DYSF: variants seen among roughly 807,000 people sequenced by gnomAD.
DYSF encodes dystrophy-associated fer-1-like 1.
In DYSF, 212 loss-of-function variants were observed where a neutral mutation model predicts 274.9. The ratio of observed to expected loss-of-function variants is 0.77; its 90% CI spans 0.69 to 0.86. DYSF has a LOEUF of 0.86. DYSF is among the 40% of genes least tolerant of loss of function. DYSF has a pLI of 0.00. For synonymous variants in DYSF, 1,091 were observed against 1,078.7 expected (o/e 1.01, Z -0.22); for missense variants, 2,666 against 2,783.2 (o/e 0.96, Z 0.95).
At chr2:71,672,159 G>C (rs2095135500) in intron 51 of DYSF, among the ~76,000 whole-genome samples, 1 of 149,376 alleles carries the variant, frequency 6.7e-6, no homozygotes, top group Non-Finnish European at 1.5e-5. Flanking sequence ...GTCAACCAGA[G>C]GTGGGAGACA....
In DYSF at chr2:71,568,338, C is replaced by A; in HGVS notation, c.2864C>A (p.Thr955Asn). The A allele has an allele frequency of 6.2e-7, 1 of 1,613,896 alleles. No individual in the cohort carries two copies. The highest frequency in any genetic ancestry group is 8.5e-7 in the Non-Finnish European group (1 of 1,179,842). The change falls in exon 26 of 56, where the codon ACT becomes AAT. Residue 955 changes from threonine (T) to asparagine (N), a missense_variant and splice_region_variant. Transcript: ENST00000410020. Reference sequence around the variant, plus strand: ...GATTGGTTCGTGTGTCCGGAGAAGACGTGAGTCGTGGGCAGGGAGGGCTGG... The same window carrying A: ...GATTGGTTCGTGTGTCCGGAGAAGAAGTGAGTCGTGGGCAGGGAGGGCTGG... ...AGDWFVCPEKTLLHDMDAGHL... is the reference protein window; with the variant it reads ...AGDWFVCPEKNLLHDMDAGHL...
Position 71,615,324 on chromosome 2 carries a change from G to A in DYSF, c.4464+1914G>A, listed in dbSNP as rs1030427190. Among the ~76,000 whole-genome samples, 3 of 152,100 alleles carry A rather than the reference G, an allele frequency of 2.0e-5. No homozygotes were observed. Among genetic ancestry groups the A allele is most frequent in the Admixed American group, 2.0e-4 (3 of 15,276 alleles). On this transcript the variant is annotated intron_variant, in intron 40 of 55. Coordinates refer to ENST00000410020, the MANE Select transcript of DYSF (RefSeq NM_001130987.2). This position sits in a 1 kb window ranked among gnomAD's most constrained non-coding sequence, Gnocchi z 4.9. ...TGGGAGCTGGGATGGGGCTCCTGGAGGTGTACCCACCTGGGGAGGGGCTGG... is the reference window on the plus strand; with the variant it reads ...TGGGAGCTGGGATGGGGCTCCTGGAAGTGTACCCACCTGGGGAGGGGCTGG...
chr2:71,533,741 G>A lies in DYSF; in HGVS notation c.1381-1280G>A, dbSNP rs561024960. Among the ~76,000 whole-genome samples, 54 of 152,340 alleles carry A rather than the reference G, an allele frequency of 3.5e-4. No homozygotes were observed. In the South Asian group the frequency reaches 0.011, roughly 32 times the overall value. On this transcript the variant is annotated intron_variant, in intron 14 of 55. Transcript: ENST00000410020. ...TTGTTTTCCCACCAGCAAAACATGA[G>A]CATGCAGTTTTCCCATAGCCTTGCC... is the stretch of plus-strand genomic sequence containing the variant.
exon 1 of DYSF, chr2:71,453,949 T>C (rs758686196): frequency 6.2e-7 from 1 of 1,600,472 alleles, no homozygotes; most frequent in Non-Finnish European, 8.6e-7. Context: ...TCCCGACCTT[T>C]CCGAGCCCTC....
chr2:71,685,083 C>T (rs2095340249), intron 55 of DYSF, among the ~76,000 whole-genome samples: 1 of 152,208 alleles, frequency 6.6e-6, no homozygotes, highest in Admixed American at 6.5e-5. Context: ...CAGATCTAGG[C>T]CTCCAGGGGC....
intron 14 of DYSF, among the ~76,000 whole-genome samples, chr2:71,534,014 CACTCAGCCCCACA>C (rs1157906032): frequency 0.022 from 3,377 of 152,262 alleles, 119 homozygotes; most frequent in African/African-American, 0.076. Context: ...CAAATCCTGG[CACTCAGCCCCACA>C]CCCAGCCCTG....
In DYSF at chr2:71,613,390, G is replaced by A. The variant is rs1574354515; in HGVS notation, c.4444G>A (p.Glu1482Lys). The change falls in exon 40 of 56, where the codon GAG (glutamate) becomes AAG (lysine). Residue 1482 changes from glutamate (E) to lysine (K), a missense_variant. Coordinates refer to ENST00000410020, the MANE Select transcript of DYSF (RefSeq NM_001130987.2). The stretch of plus-strand genomic sequence containing the variant: ...CGTGCTCATCGACATTGATGACAAG[G>A]AGCCCCTCATCCCCATCCAGGTAGG... ...EDVLIDIDDKEPLIPIQLADG... is the reference protein window; with the variant it reads ...EDVLIDIDDKKPLIPIQLADG... 6.2e-7 allele frequency: 1 copy of A among 1,613,318 alleles called. No homozygotes were observed. Among genetic ancestry groups the A allele is most frequent in the African/African-American group, 1.3e-5 (1 of 75,008 alleles).
chr2:71,467,572 C>T (rs1341798257), intron 1 of DYSF, among the ~76,000 whole-genome samples: 1 of 152,260 alleles, frequency 6.6e-6, no homozygotes, highest in East Asian at 1.9e-4. Flanking sequence ...ATCACACACA[C>T]ACTCCTCTTC....
intron 51 of DYSF, 69 bp from the exon 52 acceptor site, chr2:71,674,128 C>A: frequency 6.8e-7 from 1 of 1,466,100 alleles, no homozygotes; most frequent in Non-Finnish European, 9.5e-7. Context: ...GCCTTCCAGG[C>A]TGGAAGGGAA....
At chr2:71,554,327 G>A (rs1415849232) in intron 21 of DYSF, among the ~76,000 whole-genome samples, 1 of 152,258 alleles carries the variant, frequency 6.6e-6, no homozygotes, top group African/African-American at 2.4e-5. Context: ...CGAGAGGTGA[G>A]CAAGCAGTTG....
At chr2:71,681,208 AG>A (rs2095292429) in intron 54 of DYSF, 98 bp downstream of exon 54, 1 of 1,174,834 alleles carries the variant, frequency 8.5e-7, no homozygotes, top group African/African-American at 1.5e-5. Context: ...GAAGTCACAA[AG>A]CCCACGTGGC....
At chr2:71,641,609 T>C (rs978079566) in intron 41 of DYSF, among the ~76,000 whole-genome samples, 2 of 152,210 alleles carry the variant, frequency 1.3e-5, no homozygotes, top group African/African-American at 4.8e-5. Flanking sequence ...TTTATTTTCA[T>C]TCCTTTTGTA....
chr2:71,520,518 G>A (rs927730595), intron 11 of DYSF, among the ~76,000 whole-genome samples: 16 of 152,200 alleles, frequency 1.1e-4, no homozygotes, highest in African/African-American at 3.6e-4. Context: ...CCTCACCCTG[G>A]TTTCCATTCT....
intron 29 of DYSF, among the ~76,000 whole-genome samples, chr2:71,571,526 C>G: frequency 1.4e-5 from 2 of 144,700 alleles, no homozygotes; most frequent in African/African-American, 2.7e-5. Context: ...ACAGCTCACA[C>G]CCAGCACACA....
intron 32 of DYSF, among the ~76,000 whole-genome samples, chr2:71,595,960 T>G (rs2093394683): frequency 6.6e-6 from 1 of 151,498 alleles, no homozygotes; most frequent in Non-Finnish European, 1.5e-5. Flanking sequence ...CTGTCCTTCA[T>G]CTGACCACCT....
chr2:71,628,228 G>A (rs371614418), intron 41 of DYSF, among the ~76,000 whole-genome samples: 1 of 152,040 alleles, frequency 6.6e-6, no homozygotes, highest in East Asian at 1.9e-4. Flanking sequence ...ACTTAGCAAA[G>A]TCTAAATTTA....
At chr2:71,590,632 T>G (rs2093235380) in intron 32 of DYSF, among the ~76,000 whole-genome samples, 2 of 152,318 alleles carry the variant, frequency 1.3e-5, no homozygotes, top group Non-Finnish European at 2.9e-5. Flanking sequence ...AGAAGTCTTG[T>G]CTGTGTCCTC....
intron 12 of DYSF, among the ~76,000 whole-genome samples, chr2:71,521,598 G>A (rs1011462659): frequency 1.3e-5 from 2 of 152,154 alleles, no homozygotes; most frequent in African/African-American, 4.8e-5. Flanking sequence ...AAGGTCAGGG[G>A]TGAGGTACCT....
chr2:71,541,491 C>T (rs1165536963), intron 17 of DYSF, among the ~76,000 whole-genome samples: 4 of 144,046 alleles, frequency 2.8e-5, no homozygotes, highest in African/African-American at 1.0e-4. Flanking sequence ...TTTCTTATTT[C>T]TAATGCTATG....
Sources: gnomAD v4.1 joint callset for allele counts (sites outside exome capture counted in the v4.1 genomes callset) on GRCh38, gnomAD v4.1.1 for gene constraint, Gnocchi (gnomAD v3.1) non-coding constraint, MANE v1.5 for transcripts, NCBI Gene and HGNC (gene_info 2026-07-23, HGNC 2026-07-21) for gene names.